HEG1: variants seen among roughly 807,000 people sequenced by gnomAD.
HEG1 encodes the protein protein HEG homolog 1.
Under a neutral mutation model 125.6 loss-of-function variants are expected in HEG1, and 56 were observed. The ratio of observed to expected loss-of-function variants is 0.45; its 90% confidence interval spans 0.36 to 0.56. The LOEUF is 0.56. Ranked by LOEUF, HEG1 falls within the 20% of genes least tolerant of loss-of-function variation. The pLI is 0.00. For missense variants in HEG1, 1,523 were observed against 1,670.0 expected (o/e 0.91, Z 1.53); for synonymous variants, 644 against 668.5 (o/e 0.96, Z 0.57).
chr3:125,047,842 G>A (rs144570510), intron 1 of HEG1, among the ~76,000 whole-genome samples: 1 of 152,178 alleles, frequency 6.6e-6, no homozygotes, highest in Non-Finnish European at 1.5e-5. Flanking sequence ...TGATTCTTCA[G>A]TTCCAAGGTG....
At chr3:125,039,950 C>T (rs540339458) in intron 1 of HEG1, among the ~76,000 whole-genome samples, 1 of 152,152 alleles carries the variant, frequency 6.6e-6, no homozygotes, top group South Asian at 2.1e-4. Context: ...TGGTGCCTAT[C>T]ACACGGGCTT....
At position 125,020,820 on chromosome 3, in the gene HEG1, C is replaced by T. The variant is rs867095367; in HGVS notation, c.1224G>A (p.Thr408=). ...EPSTENEFGL[T]SLRWQNDSPT... ...GGGAATCATTTTGCCAACGCAAAGA[C>T]GTAAGTCCAAATTCATTTTCTGTGG... Residue 408 remains threonine, a synonymous_variant, in exon 4 of 17, where the codon ACG becomes ACA. Transcript: ENST00000311127. 26 of 1,613,654 alleles carry T rather than the reference C, an allele frequency of 1.6e-5. No homozygotes were observed. The highest frequency in any genetic ancestry group is 3.3e-4 in the Middle Eastern group (2 of 6,084).
intron 14 of HEG1, among the ~76,000 whole-genome samples, chr3:124,979,888 C>A (rs953931140): frequency 2.0e-5 from 3 of 152,150 alleles, no homozygotes; most frequent in Admixed American, 6.5e-5. Context: ...AGACTATGAG[C>A]AAATACAAGC....
rs536456945 is a variant in HEG1, at chr3:125,030,619, GA to G, written c.317-1132del. 4.6e-5 allele frequency among the ~76,000 whole-genome samples: 7 copies of G among 152,306 alleles called. 1 individual carries two copies. The South Asian group carries it at 1.2e-3, about 27-fold the overall frequency. On this transcript the variant is annotated intron_variant, in intron 1 of 16. Coordinates refer to ENST00000311127, the MANE Select transcript of HEG1 (RefSeq NM_020733.2). ...TTTATATGTAATGATCTCATTTTGT[GA>G]AAAATAATAATAACAGTAAATATGC... is the stretch of plus-strand genomic sequence containing the variant.
rs75387761 is a variant in HEG1 at position 125,054,139 on chromosome 3, T to C, written c.316+1436A>G. 8.8e-3 allele frequency among the ~76,000 whole-genome samples: 1,345 copies of C among 152,366 alleles called. 20 individuals carry two copies. Among genetic ancestry groups the C allele is most frequent in the African/African-American group, 0.031 (1,281 of 41,584 alleles). On this transcript the variant is annotated intron_variant, in intron 1 of 16. Coordinates refer to ENST00000311127, the MANE Select transcript of HEG1 (RefSeq NM_020733.2). ...ACACAGTGTTCCTCAGTTACTTTCC[T>C]AGTTGGAGAAAGTCGGGAAATATGT...
At chr3:124,977,503 C>A (rs1017048542) in intron 15 of HEG1, among the ~76,000 whole-genome samples, 2 of 152,182 alleles carry the variant, frequency 1.3e-5, no homozygotes, top group Non-Finnish European at 2.9e-5. Flanking sequence ...CAAGTATTTT[C>A]TCATGCAACC....
chr3:125,014,131 AG>A, intron 5 of HEG1, 141 bp from the exon 6 acceptor site: 1 of 797,360 alleles, frequency 1.3e-6, no homozygotes, highest in Non-Finnish European at 1.9e-6. Flanking sequence ...GTGGTTTTCA[AG>A]GGTGAGCACT....
At chr3:125,033,792 ACCGCCTCAGCT>A (rs1937520627) in intron 1 of HEG1, among the ~76,000 whole-genome samples, 1 of 152,228 alleles carries the variant, frequency 6.6e-6, no homozygotes, top group Admixed American at 6.5e-5. Context: ...AGCGAGCATT[ACCGCCTCAGCT>A]CCGCCTCCTG....
chr3:125,036,692 G>C (rs1332052707), intron 1 of HEG1, among the ~76,000 whole-genome samples: 1 of 152,156 alleles, frequency 6.6e-6, no homozygotes, highest in Non-Finnish European at 1.5e-5. Flanking sequence ...TATATAAGTG[G>C]AGAATAAATA....
chr3:124,985,127 AT>A (rs928834705), intron 14 of HEG1, among the ~76,000 whole-genome samples: 3 of 152,168 alleles, frequency 2.0e-5, no homozygotes, highest in Non-Finnish European at 4.4e-5. Flanking sequence ...TATTAACTAA[AT>A]TTATGGGCCT....
At position 124,997,680 on chromosome 3, in the gene HEG1, T is replaced by G. The variant is rs899070695; in HGVS notation, c.3652+9A>C. 3.8e-6 allele frequency: 6 copies of G among 1,563,632 alleles called. No homozygotes were observed. The East Asian group carries it at 9.2e-5, about 24-fold the overall frequency. On this transcript the variant is annotated intron_variant, in intron 12 of 16. Transcript: ENST00000311127. ...CTGGGCACAGAACCCCAGGCGAAGC[T>G]GTGGCTACCTCGGCAGGAGTGGTCC...
intron 1 of HEG1, among the ~76,000 whole-genome samples, chr3:125,055,280 C>T (rs1408842456): frequency 1.3e-5 from 2 of 152,148 alleles, no homozygotes; most frequent in East Asian, 3.9e-4. Context: ...AGTCTTTTTC[C>T]CTTTCCTTTC....
chr3:125,029,653 G>T (rs533686947), intron 1 of HEG1, among the ~76,000 whole-genome samples, 165 bp from the exon 2 acceptor site: 1 of 152,332 alleles, frequency 6.6e-6, no homozygotes, highest in African/African-American at 2.4e-5. Context: ...ACTTTGGGAG[G>T]CTGAGGCGGG....
Position 125,029,427 on chromosome 3 carries a change from G to C in HEG1, c.378C>G (p.Phe126Leu). ...TTGAAAAGTCCTCTTGATTCTGATA[G>C]AAGGTGATGTTTTCTACATGGGCCT... is the stretch of plus-strand genomic sequence containing the variant. ...NTEAHVENIT[F>L]YQNQEDFSTV... Residue 126 changes from phenylalanine to leucine, a missense_variant, in exon 2 of 17, where the codon TTC (phenylalanine) becomes TTG (leucine). Physicochemically the swap from Phe to Leu is conservative, Grantham distance 22 (BLOSUM62 0). Transcript: ENST00000311127. 2 of 1,606,238 alleles carry C rather than the reference G, an allele frequency of 1.2e-6. No homozygotes were observed. Among genetic ancestry groups the C allele is most frequent in the Non-Finnish European group, 8.5e-7 (1 of 1,179,826 alleles).
In HEG1 at chr3:124,978,064, G is replaced by A. The variant is rs1383204085; in HGVS notation, c.3734-118C>T. The A allele has an allele frequency of 3.3e-5, 22 of 657,668 alleles. 1 individual carries two copies. The highest frequency in any genetic ancestry group is 9.0e-5 in the African/African-American group (5 of 55,368). 40.7% of individuals were successfully genotyped at this position (657,668 alleles called of 1,614,324 possible). ...CCACCCTGCCTTGAGGGGTGCCCTC[G>A]CCTACAACTTCCTACTCTCTGGCAA... On this transcript the variant is annotated intron_variant, in intron 14 of 16. Transcript: ENST00000311127.
rs770547898 is a variant in HEG1 at position 124,970,800 on chromosome 3, G to C, written c.3998C>G (p.Pro1333Arg). The change falls in exon 17 of 17, where the codon CCT becomes CGT. Residue 1333 changes from proline (P) to arginine (R), a missense_variant and splice_region_variant. Coordinates refer to ENST00000311127, the MANE Select transcript of HEG1 (RefSeq NM_020733.2). ...LLQMTDVYYS[P>R]TSVRNPELER... ...AAGTTCTGGATTCCTTACACTTGTA[G>C]GCTGGTTGCCAAAGAGAAAAGAAGA... The C allele has an allele frequency of 3.1e-6, 5 of 1,606,850 alleles. No homozygotes were observed. The highest frequency in any genetic ancestry group is 3.4e-6 in the Non-Finnish European group (4 of 1,176,872).
intron 1 of HEG1, among the ~76,000 whole-genome samples, chr3:125,036,726 T>C (rs1451704197): frequency 1.3e-5 from 2 of 152,220 alleles, no homozygotes; most frequent in African/African-American, 2.4e-5. Flanking sequence ...TTGAAAAGCA[T>C]GGAAATACAA....
intron 14 of HEG1, among the ~76,000 whole-genome samples, chr3:124,982,585 T>C (rs1176339101): frequency 6.6e-6 from 1 of 152,266 alleles, no homozygotes; most frequent in African/African-American, 2.4e-5. Context: ...CTTCACAGCT[T>C]GACATTGCTG....
chr3:125,028,748 G>A (rs547717768), intron 2 of HEG1, among the ~76,000 whole-genome samples: 5 of 152,188 alleles, frequency 3.3e-5, no homozygotes, highest in African/African-American at 9.6e-5. Context: ...CTCTTCCTCC[G>A]TGCAATTTTA....
Sources: gnomAD v4.1 joint callset for allele counts (sites outside exome capture counted in the v4.1 genomes callset) on GRCh38, gnomAD v4.1.1 for gene constraint, MANE v1.5 for transcripts, NCBI Gene and HGNC (gene_info 2026-07-23, HGNC 2026-07-21) for gene names.